Variants in STXBP5L observed in about 807,000 individuals in gnomAD.
The protein encoded by STXBP5L is syntaxin-binding protein 5-like.
A neutral mutation model predicts 144.5 loss-of-function variants in STXBP5L; 65 were observed. That is an observed-to-expected ratio of 0.45 (90% CI 0.37 to 0.55). STXBP5L has a LOEUF of 0.55. Ranked by LOEUF, STXBP5L falls within the 20% of genes least tolerant of loss-of-function variation. The pLI is 0.00. For synonymous variants in STXBP5L, 505 were observed against 469.6 expected (o/e 1.08, Z -0.97); for missense variants, 1,298 against 1,405.5 (o/e 0.92, Z 1.22).
rs544450726 is a variant in STXBP5L at position 120,908,239 on chromosome 3, G to C, written c.-104G>C. On this transcript the variant is annotated 5_prime_UTR_variant, in exon 1 of 27. Coordinates refer to ENST00000471454, the MANE Select transcript of STXBP5L (RefSeq NM_001308330.2). ...GTTAGGACCTCGGAGAGCGCCAGGC[G>C]CCGCGACCAGAGGGCCCAGAGAAGC... is the stretch of plus-strand genomic sequence containing the variant. 6.6e-6 allele frequency: 1 copy of C among 152,192 alleles called. No individual in the cohort carries two copies. The highest frequency in any genetic ancestry group is 1.5e-5 in the Non-Finnish European group (1 of 68,070). The allele number at this position is 152,192 out of a possible 1,614,324, so 9.4% of individuals were successfully genotyped here.
At chr3:121,141,101 G>A (rs1174688263) in intron 7 of STXBP5L, among the ~76,000 whole-genome samples, 2 of 152,102 alleles carry the variant, frequency 1.3e-5, no homozygotes, top group African/African-American at 4.8e-5. Flanking sequence ...CAATGCAATA[G>A]CAGAAGGAAG....
intron 14 of STXBP5L, among the ~76,000 whole-genome samples, chr3:121,245,417 T>C (rs750510807): frequency 1.3e-4 from 19 of 149,972 alleles, no homozygotes; most frequent in Middle Eastern, 3.5e-3. Context: ...CCACATAACA[T>C]ATAGAAAATA....
intron 18 of STXBP5L, among the ~76,000 whole-genome samples, chr3:121,277,258 T>C (rs967039296): frequency 1.3e-5 from 2 of 152,016 alleles, no homozygotes; most frequent in Non-Finnish European, 2.9e-5. Context: ...GGGCCTCTTT[T>C]ATAAGGGCTC....
intron 3 of STXBP5L, among the ~76,000 whole-genome samples, chr3:121,006,965 C>T (rs945320862): frequency 1.3e-5 from 2 of 152,118 alleles, no homozygotes; most frequent in African/African-American, 4.8e-5. Flanking sequence ...CGACCTTTGT[C>T]TCTGGCTACC....
chr3:120,913,251 G>T (rs1031522946), intron 2 of STXBP5L, among the ~76,000 whole-genome samples: 4 of 151,748 alleles, frequency 2.6e-5, no homozygotes, highest in African/African-American at 9.7e-5. Context: ...TATTGCTAGG[G>T]TATACACTAT....
At chr3:121,033,819 A>G (rs1161839330) in intron 3 of STXBP5L, among the ~76,000 whole-genome samples, 2 of 152,014 alleles carry the variant, frequency 1.3e-5, no homozygotes, top group Admixed American at 6.6e-5. Context: ...AATTATATAA[A>G]CTAAATGTCA....
At chr3:121,200,384 T>A (rs2048092493) in intron 9 of STXBP5L, among the ~76,000 whole-genome samples, 1 of 152,180 alleles carries the variant, frequency 6.6e-6, no homozygotes, top group Non-Finnish European at 1.5e-5. Flanking sequence ...TTCTTCTTCA[T>A]TAGTCTAGCT....
At position 121,413,206 on chromosome 3, in the gene STXBP5L, A is replaced by G; in HGVS notation, c.2997A>G (p.Thr999=). The change falls in exon 24 of 27, where the codon ACA becomes ACG. Residue 999 remains threonine, a synonymous_variant. Coordinates refer to ENST00000471454, the MANE Select transcript of STXBP5L (RefSeq NM_001308330.2). ...PMLDVNYLPL[T]DMRIARTFCF... ...TGGATGTTAATTATTTGCCACTGAC[A>G]GACATGAGGATAGCACGAACATTTT... 6.2e-7 allele frequency: 1 copy of G among 1,606,798 alleles called. No homozygotes were observed. The highest frequency in any genetic ancestry group is 1.3e-5 in the African/African-American group (1 of 74,744).
At chr3:121,318,063 T>TA (rs1288417034) in intron 19 of STXBP5L, among the ~76,000 whole-genome samples, 2 of 152,080 alleles carry the variant, frequency 1.3e-5, no homozygotes, top group African/African-American at 2.4e-5. Flanking sequence ...TAAAAATAGT[T>TA]AAAAAAGGAT....
intron 20 of STXBP5L, among the ~76,000 whole-genome samples, chr3:121,331,527 G>C (rs2044320861): frequency 6.6e-6 from 1 of 152,188 alleles, no homozygotes; most frequent in Admixed American, 6.5e-5. Context: ...TGTCTAATCT[G>C]AATAGGTGAA....
At chr3:120,927,556 G>A (rs1049710663) in intron 2 of STXBP5L, among the ~76,000 whole-genome samples, 1 of 152,208 alleles carries the variant, frequency 6.6e-6, no homozygotes, top group Non-Finnish European at 1.5e-5. Flanking sequence ...TCTACCTTGA[G>A]CTCACTTTTT....
At chr3:121,215,587 G>A (rs1373324588) in intron 10 of STXBP5L, among the ~76,000 whole-genome samples, 1 of 152,170 alleles carries the variant, frequency 6.6e-6, no homozygotes, top group African/African-American at 2.4e-5. Flanking sequence ...AGTCTGATGG[G>A]CTTCCCTTTG....
At chr3:121,402,696 A>T (rs979290736) in intron 22 of STXBP5L, among the ~76,000 whole-genome samples, 2 of 152,218 alleles carry the variant, frequency 1.3e-5, no homozygotes, top group African/African-American at 4.8e-5. Flanking sequence ...ACCATAAATC[A>T]TCACTAACTT....
chr3:120,961,483 C>T (rs527883117), intron 3 of STXBP5L, among the ~76,000 whole-genome samples: 1 of 152,182 alleles, frequency 6.6e-6, no homozygotes, highest in South Asian at 2.1e-4. Flanking sequence ...TGTGAGTGAT[C>T]TCATTGTTCA....
intron 3 of STXBP5L, among the ~76,000 whole-genome samples, chr3:120,962,107 T>C (rs1201345587): frequency 6.6e-6 from 1 of 151,866 alleles, no homozygotes; most frequent in Non-Finnish European, 1.5e-5. Context: ...ATTTGCCCAC[T>C]TTTCGATGGG....
chr3:121,321,838 C>G (rs552437454), intron 20 of STXBP5L, among the ~76,000 whole-genome samples: 2 of 152,106 alleles, frequency 1.3e-5, no homozygotes, highest in Non-Finnish European at 2.9e-5. Context: ...CTCTGATATT[C>G]TCCTTTTAAT....
intron 9 of STXBP5L, among the ~76,000 whole-genome samples, chr3:121,195,533 G>A (rs1266615226): frequency 6.6e-6 from 1 of 152,010 alleles, no homozygotes. Flanking sequence ...GTCTTTCTGT[G>A]TCTGAATTGC....
At chr3:121,227,762 A>C (rs2108301456) in intron 11 of STXBP5L, among the ~76,000 whole-genome samples, 1 of 152,180 alleles carries the variant, frequency 6.6e-6, no homozygotes, top group East Asian at 1.9e-4. Context: ...ACAATCATTT[A>C]ACATAATAAT....
chr3:121,087,851 T>C (rs2042573033), intron 5 of STXBP5L, among the ~76,000 whole-genome samples: 1 of 152,082 alleles, frequency 6.6e-6, no homozygotes, highest in African/African-American at 2.4e-5. Context: ...TTAAAGAGGT[T>C]GCTATAGGTA....
Sources: allele counts gnomAD v4.1 joint callset (sites outside exome capture counted in the v4.1 genomes callset), GRCh38; gene constraint gnomAD v4.1.1; transcripts MANE v1.5; gene names NCBI Gene and HGNC (gene_info 2026-07-23, HGNC 2026-07-21).